The following CAMK1G variants were observed in gnomAD, a reference collection of about 807,000 sequenced individuals.
CAMK1G encodes the protein calcium/calmodulin dependent protein kinase IG.
Under a neutral mutation model 54.8 loss-of-function variants are expected in CAMK1G, and 27 were observed. That is an observed-to-expected ratio of 0.49 (90% CI 0.36 to 0.68). The LOEUF (loss-of-function observed/expected upper bound fraction) is 0.68, where lower values mean the gene tolerates loss of function less well. Ranked by LOEUF, CAMK1G falls within the 30% of genes least tolerant of loss-of-function variation. CAMK1G has a pLI of 0.00. For missense variants in CAMK1G, 512 were observed against 591.0 expected (o/e 0.87, Z 1.39); for synonymous variants, 238 against 224.9 (o/e 1.06, Z -0.52).
intron 10 of CAMK1G, 41 bp downstream of exon 10, chr1:209,611,593 C>A (rs1210707559): frequency 5.7e-6 from 9 of 1,578,462 alleles, no homozygotes; most frequent in Non-Finnish European, 7.8e-6. Flanking sequence ...CTGTTCTGGG[C>A]CCCTGGAGGC....
At chr1:209,601,544 T>G (rs2281139) in intron 3 of CAMK1G, among the ~76,000 whole-genome samples, 131,920 of 152,208 alleles carry the variant, frequency 0.87, 57,610 homozygotes, top group African/African-American at 0.96. Flanking sequence ...GATCCAGGGA[T>G]ATTAGGGCAA....
intron 5 of CAMK1G, 161 bp from the exon 6 acceptor site, chr1:209,606,159 G>A: frequency 2.7e-6 from 1 of 369,160 alleles, no homozygotes; most frequent in Non-Finnish European, 3.8e-6. Flanking sequence ...GTGCAGGTGT[G>A]AGGGTGCAGG....
At chr1:209,609,736 C>A in intron 8 of CAMK1G, 115 bp from the exon 9 acceptor site, 1 of 1,010,370 alleles carries the variant, frequency 9.9e-7, no homozygotes. Context: ...TTAAAATTGC[C>A]TCTTTGGAAG....
intron 10 of CAMK1G, 47 bp from the exon 11 acceptor site, chr1:209,611,745 C>A: frequency 6.3e-7 from 1 of 1,592,046 alleles, no homozygotes; most frequent in African/African-American, 1.3e-5. Flanking sequence ...AGCTCCAAGG[C>A]CCTCTGAGGT....
intron 11 of CAMK1G, 122 bp downstream of exon 11, chr1:209,612,338 A>C: frequency 9.3e-7 from 1 of 1,071,732 alleles, no homozygotes; most frequent in Non-Finnish European, 1.3e-6. Flanking sequence ...GGGAGGGATG[A>C]GTTCTGGATG....
intron 1 of CAMK1G, among the ~76,000 whole-genome samples, chr1:209,594,275 C>T (rs746417650): frequency 1.3e-5 from 2 of 152,208 alleles, no homozygotes; most frequent in Non-Finnish European, 2.9e-5. Flanking sequence ...TTCAGGCTGG[C>T]AGCCCCATGA....
rs918847486 is a variant in CAMK1G, at chr1:209,610,041, A to G, written c.827+112A>G. On this transcript the variant is annotated intron_variant, in intron 9 of 12. Coordinates refer to ENST00000361322, the MANE Select transcript of CAMK1G (RefSeq NM_020439.3). ...TCTGCTTGTCCTGATCCATTTAATG[A>G]TGTGACAAGCAAGGACCATGCCATT... 75 of 865,502 alleles carry G rather than the reference A, an allele frequency of 8.7e-5. No individual in the cohort carries two copies. The Admixed American group carries it at 1.4e-3, about 16-fold the overall frequency. 53.6% of individuals were successfully genotyped at this position (865,502 alleles called of 1,614,324 possible). A position where few individuals can be genotyped will look rare whatever the true frequency, so the allele number is the denominator to read the frequency against.
intron 3 of CAMK1G, among the ~76,000 whole-genome samples, chr1:209,602,312 G>A (rs1665550479): frequency 6.6e-6 from 1 of 152,100 alleles, no homozygotes. Flanking sequence ...ATTGCCAAAT[G>A]TTCCCTGAGA....
chr1:209,611,601 G>A, intron 10 of CAMK1G, 49 bp downstream of exon 10: 3 of 1,562,982 alleles, frequency 1.9e-6, no homozygotes, highest in Non-Finnish European at 2.6e-6. Context: ...GGCCCCTGGA[G>A]GCTGGGCTGG....
rs911593537 is a variant in CAMK1G, at chr1:209,611,566, T to C, written c.915+14T>C. The C allele has an allele frequency of 6.2e-7, 1 of 1,608,954 alleles. No homozygotes were observed. The highest frequency in any genetic ancestry group is 1.3e-5 in the African/African-American group (1 of 74,808). On this transcript the variant is annotated intron_variant, in intron 10 of 12. Transcript: ENST00000361322. ...AGCAAGTGGAGGGTAAGCTGTCCTCTCCAGGGGGTGGGAAAGCTGTTCTGG... is the reference window on the plus strand; with the variant it reads ...AGCAAGTGGAGGGTAAGCTGTCCTCCCCAGGGGGTGGGAAAGCTGTTCTGG...
chr1:209,600,579 A>G (rs1341554790), intron 3 of CAMK1G, among the ~76,000 whole-genome samples: 1 of 152,240 alleles, frequency 6.6e-6, no homozygotes, highest in East Asian at 1.9e-4. Flanking sequence ...CTTATGGTGT[A>G]CCAAAAGTGT....
At chr1:209,593,329 T>C (rs1018775582) in intron 1 of CAMK1G, among the ~76,000 whole-genome samples, 4 of 152,224 alleles carry the variant, frequency 2.6e-5, no homozygotes, top group African/African-American at 9.7e-5. Flanking sequence ...GAAGGAAGGT[T>C]ATTGCCCAAG....
intron 2 of CAMK1G, among the ~76,000 whole-genome samples, chr1:209,595,926 G>A (rs1296403744): frequency 2.0e-5 from 3 of 152,298 alleles, no homozygotes; most frequent in Non-Finnish European, 2.9e-5. Context: ...AGACTCTGAC[G>A]CAGGCTGGCA....
At chr1:209,606,893 A>G (rs1665663388) in intron 6 of CAMK1G, among the ~76,000 whole-genome samples, 1 of 152,234 alleles carries the variant, frequency 6.6e-6, no homozygotes. Context: ...TGAGGAACCC[A>G]GAAATGGGCT....
chr1:209,603,149 G>T (rs1005474719), intron 3 of CAMK1G, 65 bp from the exon 4 acceptor site: 32 of 1,541,934 alleles, frequency 2.1e-5, no homozygotes, highest in East Asian at 2.3e-5. Context: ...TTTGGGCTAG[G>T]TCTGCATTAT....
Position 209,599,954 on chromosome 1 carries a change from A to T in CAMK1G, c.93-29A>T, listed in dbSNP as rs760345222. The T allele has an allele frequency of 3.4e-5, 55 of 1,610,572 alleles. No individual in the cohort carries two copies. The South Asian group carries it at 4.7e-4, about 14-fold the overall frequency. On this transcript the variant is annotated intron_variant, in intron 2 of 12. Coordinates refer to ENST00000361322, the MANE Select transcript of CAMK1G (RefSeq NM_020439.3). ...AGTGTAAGATGTCTGCCCCCTACTA[A>T]GTTTTATCTTTTGGTGTCTTCTCCT...
intron 6 of CAMK1G, among the ~76,000 whole-genome samples, chr1:209,606,756 C>T (rs1363089803): frequency 2.6e-5 from 4 of 152,180 alleles, no homozygotes; most frequent in Non-Finnish European, 4.4e-5. Context: ...CAGACAAGAT[C>T]ACAAACCCAG....
intron 1 of CAMK1G, among the ~76,000 whole-genome samples, chr1:209,589,690 A>G (rs2102380986): frequency 6.6e-6 from 1 of 152,306 alleles, no homozygotes; most frequent in South Asian, 2.1e-4. Flanking sequence ...ACATGGTCCC[A>G]GTCCTTTAAG....
chr1:209,597,615 G>A (rs994783884), intron 2 of CAMK1G, among the ~76,000 whole-genome samples: 15 of 152,214 alleles, frequency 9.9e-5, no homozygotes, highest in African/African-American at 3.4e-4. Flanking sequence ...TGGTTGAAGG[G>A]ATGAGTAAGT....
Sources: gnomAD v4.1 joint callset for allele counts (sites outside exome capture counted in the v4.1 genomes callset) on GRCh38, gnomAD v4.1.1 for gene constraint, MANE v1.5 for transcripts, NCBI Gene and HGNC (gene_info 2026-07-23, HGNC 2026-07-21) for gene names.